The following THSD7B variants were observed in gnomAD, a reference collection of about 807,000 sequenced individuals.
THSD7B encodes thrombospondin type 1 domain containing 7B.
In THSD7B, 138 loss-of-function variants were observed where a neutral mutation model predicts 213.6. The observed-to-expected ratio is 0.65, with a 90% confidence interval of 0.56 to 0.74. The LOEUF (loss-of-function observed/expected upper bound fraction) is 0.74. THSD7B is among the 30% of genes least tolerant of loss of function. The pLI is 0.00. For missense variants in THSD7B, 1,931 were observed against 1,991.5 expected (o/e 0.97, Z 0.58); for synonymous variants, 742 against 687.0 (o/e 1.08, Z -1.25).
At chr2:137,081,171 C>A (rs556007660) in intron 3 of THSD7B, among the ~76,000 whole-genome samples, 1 of 151,892 alleles carries the variant, frequency 6.6e-6, no homozygotes, top group Admixed American at 6.6e-5. Context: ...AGTATATGTC[C>A]CAGGGTCGAT....
At chr2:137,271,433 T>TA (rs1553433968) in intron 10 of THSD7B, among the ~76,000 whole-genome samples, 2 of 136,116 alleles carry the variant, frequency 1.5e-5, no homozygotes, top group African/African-American at 5.6e-5. Context: ...TTATATAATA[T>TA]ATATAATATA....
At chr2:137,204,857 G>A (rs192118937) in intron 7 of THSD7B, among the ~76,000 whole-genome samples, 21 of 152,104 alleles carry the variant, frequency 1.4e-4, no homozygotes, top group African/African-American at 4.3e-4. Context: ...AAAAAAAGTC[G>A]CTGAAACACA....
At chr2:137,402,283 C>T (rs947397554) in intron 12 of THSD7B, among the ~76,000 whole-genome samples, 1 of 152,110 alleles carries the variant, frequency 6.6e-6, no homozygotes, top group Non-Finnish European at 1.5e-5. Flanking sequence ...CGTTTGACTA[C>T]AATATGTGTG....
intron 3 of THSD7B, among the ~76,000 whole-genome samples, chr2:137,075,537 T>C (rs1281448248): frequency 1.3e-5 from 2 of 152,198 alleles, no homozygotes; most frequent in Non-Finnish European, 2.9e-5. Flanking sequence ...TCGAATTTCC[T>C]CCTGTAGCTC....
intron 12 of THSD7B, among the ~76,000 whole-genome samples, chr2:137,282,686 G>T (rs563670289): frequency 6.6e-6 from 1 of 152,050 alleles, no homozygotes; most frequent in African/African-American, 2.4e-5. Flanking sequence ...GCTTGTTTTT[G>T]TCAGGTTTGT....
intron 1 of THSD7B, among the ~76,000 whole-genome samples, chr2:136,807,460 C>T (rs1281656414): frequency 1.4e-5 from 2 of 145,250 alleles, no homozygotes; most frequent in African/African-American, 5.1e-5. Flanking sequence ...ATACCCTTAT[C>T]ATTTTGTTTT....
chr2:137,102,401 C>G (rs569473962), intron 4 of THSD7B, among the ~76,000 whole-genome samples: 2 of 152,286 alleles, frequency 1.3e-5, no homozygotes, highest in African/African-American at 4.8e-5. Flanking sequence ...CATCAAAGAC[C>G]AAAGTTAGAT....
At chr2:137,182,321 C>T (rs4954477) in intron 7 of THSD7B, among the ~76,000 whole-genome samples, 52,811 of 152,004 alleles carry the variant, frequency 0.35, 11,083 homozygotes, top group East Asian at 0.79. Context: ...CCAGATATTC[C>T]GAAATCCTTC....
At chr2:136,896,383 G>T (rs1246051880) in intron 2 of THSD7B, among the ~76,000 whole-genome samples, 1 of 151,804 alleles carries the variant, frequency 6.6e-6, no homozygotes, top group Non-Finnish European at 1.5e-5. Context: ...CATCTTTTTT[G>T]CATTTTTTAA....
intron 12 of THSD7B, among the ~76,000 whole-genome samples, chr2:137,293,004 G>T (rs1683373211): frequency 6.6e-6 from 1 of 152,088 alleles, no homozygotes; most frequent in Non-Finnish European, 1.5e-5. Flanking sequence ...CCATGGGATA[G>T]GTGGCATGAT....
At chr2:137,206,995 G>A (rs1249690394) in intron 7 of THSD7B, among the ~76,000 whole-genome samples, 2 of 152,016 alleles carry the variant, frequency 1.3e-5, no homozygotes, top group African/African-American at 4.8e-5. Context: ...CTTGTGGAAG[G>A]TTTTCACTGT....
chr2:137,014,937 C>T (rs1391134479), intron 2 of THSD7B, among the ~76,000 whole-genome samples: 2 of 152,122 alleles, frequency 1.3e-5, no homozygotes, highest in African/African-American at 4.8e-5. Flanking sequence ...TCCCTACCTG[C>T]CTCTGTCTCA....
intron 5 of THSD7B, among the ~76,000 whole-genome samples, chr2:137,123,244 G>A (rs758607625): frequency 6.6e-6 from 1 of 152,118 alleles, no homozygotes; most frequent in Non-Finnish European, 1.5e-5. Flanking sequence ...CAGCTGAGAG[G>A]CTGGATGCTG....
chr2:137,445,250 C>T (rs1687512660), intron 14 of THSD7B, among the ~76,000 whole-genome samples: 1 of 152,036 alleles, frequency 6.6e-6, no homozygotes, highest in Admixed American at 6.6e-5. Flanking sequence ...AGCAATTTCA[C>T]TGCTGGGTAT....
intron 27 of THSD7B, among the ~76,000 whole-genome samples, chr2:137,670,232 T>C (rs1573778225): frequency 6.6e-6 from 1 of 152,300 alleles, no homozygotes; most frequent in East Asian, 1.9e-4. Context: ...ACAGCCAGAT[T>C]CGTCTTTCTG....
At chr2:137,244,878 G>A (rs1232970764) in intron 10 of THSD7B, among the ~76,000 whole-genome samples, 1 of 152,120 alleles carries the variant, frequency 6.6e-6, no homozygotes, top group Non-Finnish European at 1.5e-5. Context: ...GAAAAATTTG[G>A]AGGAAATTGT....
At chr2:137,655,980 T>C (rs1040021271) in intron 22 of THSD7B, among the ~76,000 whole-genome samples, 1 of 152,180 alleles carries the variant, frequency 6.6e-6, no homozygotes, top group African/African-American at 2.4e-5. Flanking sequence ...GTGATGTTAA[T>C]TCCGTATCCA....
chr2:137,422,567 C>T (rs925854693), intron 14 of THSD7B, among the ~76,000 whole-genome samples: 2 of 152,024 alleles, frequency 1.3e-5, no homozygotes, highest in African/African-American at 4.8e-5. Flanking sequence ...TTCATTTATA[C>T]TTTTAAAAAA....
intron 12 of THSD7B, among the ~76,000 whole-genome samples, chr2:137,277,517 TA>T (rs1573928559): frequency 6.6e-6 from 1 of 151,974 alleles, no homozygotes; most frequent in Admixed American, 6.6e-5. Context: ...TTAAGAACCA[TA>T]AAGGAAAATA....
Sources: gnomAD v4.1 joint callset for allele counts (sites outside exome capture counted in the v4.1 genomes callset) on GRCh38, gnomAD v4.1.1 for gene constraint, MANE v1.5 for transcripts, NCBI Gene and HGNC (gene_info 2026-07-23, HGNC 2026-07-21) for gene names.